PRKAG2: variants seen among roughly 807,000 people sequenced by gnomAD.
The protein encoded by PRKAG2 is 5'-AMP-activated protein kinase subunit gamma-2.
Under a neutral mutation model 69.6 loss-of-function variants are expected in PRKAG2, and 26 were observed. That is an observed-to-expected ratio of 0.37 (90% confidence interval 0.27 to 0.52). PRKAG2 has a LOEUF of 0.52. Among genes scored for constraint, PRKAG2 ranks in the 20% least tolerant of loss-of-function variants. The pLI, the probability that PRKAG2 is intolerant of heterozygous loss-of-function variation, is 0.90. For missense variants in PRKAG2, 557 were observed against 740.0 expected, an observed-to-expected ratio of 0.75 and a Z score of 2.87; for synonymous variants, 293 against 285.0, an observed-to-expected ratio of 1.03 and a Z score of -0.28.
intron 4 of PRKAG2, among the ~76,000 whole-genome samples, chr7:151,636,521 C>T (rs1004282257): frequency 6.6e-6 from 1 of 152,140 alleles, no homozygotes; most frequent in Non-Finnish European, 1.5e-5. Context: ...GTTGTGTGGA[C>T]ACACACACCT....
chr7:151,844,281 G>A (rs2079378011), intron 1 of PRKAG2, among the ~76,000 whole-genome samples: 1 of 152,160 alleles, frequency 6.6e-6, no homozygotes. Context: ...TCTGTAAAAT[G>A]GGAAGATCAT....
chr7:151,817,838 G>A (rs2078680712), intron 1 of PRKAG2, among the ~76,000 whole-genome samples: 1 of 152,174 alleles, frequency 6.6e-6, no homozygotes, highest in South Asian at 2.1e-4. Flanking sequence ...TCAAAGTGAT[G>A]TTCCCCTCCC....
At chr7:151,693,080 C>T (rs577924688) in intron 3 of PRKAG2, among the ~76,000 whole-genome samples, 28 of 152,318 alleles carry the variant, frequency 1.8e-4, no homozygotes, top group Admixed American at 8.5e-4. Flanking sequence ...CTCCTTCACC[C>T]GCCCTCACCT....
intron 3 of PRKAG2, among the ~76,000 whole-genome samples, chr7:151,742,361 C>T (rs1026546285): frequency 6.6e-6 from 1 of 152,222 alleles, no homozygotes; most frequent in Non-Finnish European, 1.5e-5. Flanking sequence ...CTGACTGTGG[C>T]TCACGCCTGT....
intron 1 of PRKAG2, among the ~76,000 whole-genome samples, chr7:151,841,818 G>T (rs1044494728): frequency 1.3e-5 from 2 of 149,522 alleles, no homozygotes; most frequent in Middle Eastern, 3.5e-3. Context: ...AGTGATGGTA[G>T]GTTGTGATGG....
intron 3 of PRKAG2, among the ~76,000 whole-genome samples, chr7:151,677,672 A>G (rs1301572522): frequency 1.3e-5 from 2 of 152,252 alleles, no homozygotes; most frequent in Non-Finnish European, 2.9e-5. Flanking sequence ...ACTGTAACAG[A>G]CCATAGCCTA....
intron 3 of PRKAG2, among the ~76,000 whole-genome samples, chr7:151,694,175 C>T (rs933936359): frequency 3.3e-5 from 5 of 152,242 alleles, no homozygotes; most frequent in Non-Finnish European, 5.9e-5. Context: ...TGCCCAGCCA[C>T]AATTTCTGTT....
intron 3 of PRKAG2, among the ~76,000 whole-genome samples, chr7:151,753,391 T>C (rs1336267896): frequency 1.3e-5 from 2 of 152,176 alleles, no homozygotes; most frequent in African/African-American, 2.4e-5. Context: ...TAAAGGGATA[T>C]GATGTCTGCA....
chr7:151,566,425 C>A (rs1236404232), intron 11 of PRKAG2: 2 of 282,924 alleles, frequency 7.1e-6, no homozygotes, highest in African/African-American at 4.4e-5. Flanking sequence ...CTACTAGGAA[C>A]AAAGAAGCCA....
At chr7:151,706,892 G>A (rs1257723011) in intron 3 of PRKAG2, among the ~76,000 whole-genome samples, 1 of 152,258 alleles carries the variant, frequency 6.6e-6, no homozygotes, top group Admixed American at 6.5e-5. Flanking sequence ...ACTAGATGGA[G>A]TAGGGCACTC....
Position 151,564,102 on chromosome 7 carries a change from G to T in PRKAG2, c.1560C>A (p.Ile520=), listed in dbSNP as rs376762359. ...KCNKLEILET[I]VDRIVRAEVH... ...CCTCAGCTCTTACTATTCTGTCCAC[G>T]ATGGTCTCCAGTATTTCCAGCTTAT... Residue 520 remains isoleucine (I), a synonymous_variant, in exon 14 of 16, where the codon ATC becomes ATA. Transcript: ENST00000287878. 5 of 1,613,980 alleles carry T rather than the reference G, an allele frequency of 3.1e-6. No homozygotes were observed. Among genetic ancestry groups the T allele is most frequent in the Non-Finnish European group, 1.7e-6 (2 of 1,180,026 alleles).
chr7:151,734,353 C>T (rs150041910), intron 3 of PRKAG2: 1 of 152,208 alleles, frequency 6.6e-6, no homozygotes, highest in Non-Finnish European at 1.5e-5. Context: ...TAACACATCA[C>T]ATTCCGGTCA....
At chr7:151,859,600 T>C (rs35966953) in intron 1 of PRKAG2, among the ~76,000 whole-genome samples, 57,846 of 152,064 alleles carry the variant, frequency 0.38, 12,200 homozygotes, top group East Asian at 0.54. Flanking sequence ...TGGCGGCAGC[T>C]GCCTGAGGCT....
At chr7:151,846,457 C>T (rs116255223) in intron 1 of PRKAG2, among the ~76,000 whole-genome samples, 3,861 of 151,988 alleles carry the variant, frequency 0.025, 58 homozygotes, top group African/African-American at 0.036. Flanking sequence ...ACAGAAACTC[C>T]GTCTCAAAAA....
intron 1 of PRKAG2, among the ~76,000 whole-genome samples, chr7:151,819,634 A>G (rs1335375273): frequency 6.6e-6 from 1 of 152,190 alleles, no homozygotes; most frequent in Non-Finnish European, 1.5e-5. Context: ...ATTTTAATGG[A>G]GTCTAAACAA....
At chr7:151,844,263 T>G (rs1586708383) in intron 1 of PRKAG2, among the ~76,000 whole-genome samples, 1 of 152,170 alleles carries the variant, frequency 6.6e-6, no homozygotes, top group African/African-American at 2.4e-5. Flanking sequence ...TGGGCCTCAG[T>G]GTACTCTTCT....
chr7:151,781,878 T>A lies in PRKAG2; in HGVS notation c.187-447A>T, dbSNP rs1163243164. Reference sequence around the variant, plus strand: ...TTCCAGAACAGAGCGGGCCTGGAGCTCCATCCTGAGACCTCAGTCCTAGGT... The same window carrying A: ...TTCCAGAACAGAGCGGGCCTGGAGCACCATCCTGAGACCTCAGTCCTAGGT... On this transcript the variant is annotated intron_variant, in intron 2 of 15. Transcript: ENST00000287878. This position sits in a 1 kb window ranked among gnomAD's most constrained non-coding sequence, Gnocchi z 6.1. 6.6e-6 allele frequency among the ~76,000 whole-genome samples: 1 copy of A among 152,140 alleles called. No individual in the cohort carries two copies. Among genetic ancestry groups the A allele is most frequent in the Non-Finnish European group, 1.5e-5 (1 of 68,016 alleles).
chr7:151,557,576 A>T, intron 15 of PRKAG2: 1 of 985,310 alleles, frequency 1.0e-6, no homozygotes, highest in Non-Finnish European at 1.2e-6. Flanking sequence ...ATATGTATTA[A>T]AAAAAGGTTT....
At chr7:151,745,877 C>T (rs1265373637) in intron 3 of PRKAG2, among the ~76,000 whole-genome samples, 1 of 152,142 alleles carries the variant, frequency 6.6e-6, no homozygotes, top group East Asian at 1.9e-4. Flanking sequence ...GGCAACCCTG[C>T]AGTCGCTCAG....
Sources: allele counts gnomAD v4.1 joint callset (sites outside exome capture counted in the v4.1 genomes callset), GRCh38; gene constraint gnomAD v4.1.1; non-coding constraint Gnocchi (gnomAD v3.1); transcripts MANE v1.5; gene names NCBI Gene and HGNC (gene_info 2026-07-23, HGNC 2026-07-21).